Variants in KCNQ5 observed in about 807,000 individuals in gnomAD.
The protein encoded by KCNQ5 is potassium voltage-gated channel subfamily KQT member 5.
A neutral mutation model predicts 98.2 loss-of-function variants in KCNQ5; 30 were observed. That is an observed-to-expected ratio of 0.31 (90% CI 0.23 to 0.41). The LOEUF (loss-of-function observed/expected upper bound fraction) is 0.41. KCNQ5 is among the 10% of genes least tolerant of loss of function. The probability of loss-of-function intolerance (pLI) is 1.00; values close to 1 mark genes in which losing one functional copy is unlikely to be tolerated. For missense variants in KCNQ5, 835 were observed against 1,182.5 expected, an observed-to-expected ratio of 0.71 and a Z score of 4.31; for synonymous variants, 458 against 449.4, an observed-to-expected ratio of 1.02 and a Z score of -0.24.
At chr6:72,987,742 G>A (rs372972693) in intron 1 of KCNQ5, 92 of 514,472 alleles carry the variant, frequency 1.8e-4, no homozygotes, top group African/African-American at 1.8e-3. Flanking sequence ...AGCCAAGCTG[G>A]AAGATTAAAC....
chr6:73,195,444 T>C lies in KCNQ5; in HGVS notation c.*30T>C, dbSNP rs1765758965. 1 of 1,599,720 alleles carries C rather than the reference T, an allele frequency of 6.3e-7. No individual in the cohort carries two copies. Among genetic ancestry groups the C allele is most frequent in the Admixed American group, 1.7e-5 (1 of 59,118 alleles). ...TTCATTTTCTTTCCAGGCATAGCAG[T>C]TCTTTAGCCATACATATCATTGCAT... On this transcript the variant is annotated 3_prime_UTR_variant, in exon 14 of 14. Coordinates refer to ENST00000370398, the MANE Select transcript of KCNQ5 (RefSeq NM_019842.4).
intron 1 of KCNQ5, among the ~76,000 whole-genome samples, chr6:72,763,485 G>T (rs2154477122): frequency 6.6e-6 from 1 of 152,120 alleles, no homozygotes; most frequent in Admixed American, 6.6e-5. Context: ...TTACATAAGT[G>T]TATAAAATGT....
At chr6:72,910,910 T>A (rs1442728456) in intron 1 of KCNQ5, among the ~76,000 whole-genome samples, 2 of 152,074 alleles carry the variant, frequency 1.3e-5, no homozygotes, top group Non-Finnish European at 2.9e-5. Flanking sequence ...GGAAGATACA[T>A]GTTGTTTTAG....
At chr6:73,131,475 G>C (rs1776236095) in intron 9 of KCNQ5, among the ~76,000 whole-genome samples, 1 of 152,044 alleles carries the variant, frequency 6.6e-6, no homozygotes, top group Non-Finnish European at 1.5e-5. Flanking sequence ...GTCAACTTGA[G>C]CTATTCATTA....
At chr6:72,729,255 GA>G (rs1487308161) in intron 1 of KCNQ5, among the ~76,000 whole-genome samples, 1 of 152,142 alleles carries the variant, frequency 6.6e-6, no homozygotes, top group African/African-American at 2.4e-5. Flanking sequence ...ATATTTGTAA[GA>G]AAAAAATTAT....
chr6:72,852,333 C>T (rs1777295880), intron 1 of KCNQ5, among the ~76,000 whole-genome samples: 1 of 151,744 alleles, frequency 6.6e-6, no homozygotes, highest in Non-Finnish European at 1.5e-5. Flanking sequence ...GCATTATTCA[C>T]AGTAGCCAAA....
At chr6:72,868,903 A>G (rs1443850257) in intron 1 of KCNQ5, among the ~76,000 whole-genome samples, 1 of 152,192 alleles carries the variant, frequency 6.6e-6, no homozygotes, top group Non-Finnish European at 1.5e-5. Flanking sequence ...ATAGAGATAG[A>G]ATGAATAAGG....
At chr6:72,962,182 AATATATATATAT>A (rs369197941) in intron 1 of KCNQ5, among the ~76,000 whole-genome samples, 1 of 129,284 alleles carries the variant, frequency 7.7e-6, no homozygotes, top group Non-Finnish European at 1.6e-5. Flanking sequence ...TGTTTCTCTA[AATATATATATAT>A]ATATATACAT....
chr6:73,117,226 T>G (rs902746713), intron 7 of KCNQ5, among the ~76,000 whole-genome samples: 1 of 152,230 alleles, frequency 6.6e-6, no homozygotes, highest in East Asian at 1.9e-4. Flanking sequence ...GGATGTGGGT[T>G]CAAAGTTCAG....
At chr6:72,732,487 A>C (rs975747131) in intron 1 of KCNQ5, among the ~76,000 whole-genome samples, 2 of 152,186 alleles carry the variant, frequency 1.3e-5, no homozygotes, top group African/African-American at 4.8e-5. Flanking sequence ...TGTGAAGTCT[A>C]GCAAGTGAAA....
intron 1 of KCNQ5, among the ~76,000 whole-genome samples, chr6:72,974,439 A>AT (rs35650798): frequency 3.3e-5 from 5 of 150,666 alleles, no homozygotes; most frequent in African/African-American, 9.7e-5. Context: ...AAAATAACGC[A>AT]TTTTTTCTGG....
At chr6:72,779,269 G>T (rs534418106) in intron 1 of KCNQ5, among the ~76,000 whole-genome samples, 17 of 152,286 alleles carry the variant, frequency 1.1e-4, no homozygotes, top group Middle Eastern at 3.4e-3. Context: ...AGAGGCCCAG[G>T]CCAGGGTCAT....
chr6:72,684,670 T>C (rs1443093209), intron 1 of KCNQ5, among the ~76,000 whole-genome samples: 2 of 152,262 alleles, frequency 1.3e-5, no homozygotes, highest in Non-Finnish European at 2.9e-5. Context: ...TTTGCATATG[T>C]TATCTGTGTA....
intron 1 of KCNQ5, among the ~76,000 whole-genome samples, chr6:72,671,974 G>A (rs978974624): frequency 6.6e-6 from 1 of 151,686 alleles, no homozygotes; most frequent in African/African-American, 2.4e-5. Context: ...CCGCCACCAC[G>A]CCTGGCTAAT....
chr6:73,065,858 T>A (rs1773029798), intron 3 of KCNQ5, among the ~76,000 whole-genome samples: 1 of 151,284 alleles, frequency 6.6e-6, no homozygotes, highest in African/African-American at 2.4e-5. Context: ...CCGAAAATAC[T>A]AAAAACGGCC....
chr6:72,861,905 C>T (rs1479125844), intron 1 of KCNQ5, among the ~76,000 whole-genome samples: 4 of 151,992 alleles, frequency 2.6e-5, no homozygotes, highest in Admixed American at 2.6e-4. Flanking sequence ...AGTCATCTCT[C>T]CTGAGGTCTC....
At chr6:73,083,845 T>C (rs1390640947) in intron 5 of KCNQ5, among the ~76,000 whole-genome samples, 1 of 152,238 alleles carries the variant, frequency 6.6e-6, no homozygotes, top group Non-Finnish European at 1.5e-5. Flanking sequence ...TGCTTTATGG[T>C]TCTACTAATT....
At chr6:72,707,019 T>C (rs1220444370) in intron 1 of KCNQ5, among the ~76,000 whole-genome samples, 1 of 152,202 alleles carries the variant, frequency 6.6e-6, no homozygotes, top group Non-Finnish European at 1.5e-5. Flanking sequence ...GGGACAAAGA[T>C]GTTTAGCTAA....
chr6:73,170,761 C>T (rs1167892173), intron 11 of KCNQ5, among the ~76,000 whole-genome samples: 6 of 151,818 alleles, frequency 4.0e-5, no homozygotes, highest in Admixed American at 2.0e-4. Context: ...TGACGAAACC[C>T]TGTCTCTACT....
Sources: allele counts gnomAD v4.1 joint callset (sites outside exome capture counted in the v4.1 genomes callset), GRCh38; gene constraint gnomAD v4.1.1; transcripts MANE v1.5; gene names NCBI Gene and HGNC (gene_info 2026-07-23, HGNC 2026-07-21).